PEX26: variants seen among roughly 807,000 people sequenced by gnomAD.
PEX26 encodes the protein peroxisome assembly protein 26.
A neutral mutation model predicts 31.4 loss-of-function variants in PEX26; 18 were observed. The ratio of observed to expected loss-of-function variants is 0.57; its 90% CI spans 0.40 to 0.85. PEX26 has a LOEUF of 0.85. Among genes scored for constraint, PEX26 ranks in the 40% least tolerant of loss-of-function variants. The pLI, the probability that PEX26 is intolerant of heterozygous loss-of-function variation, is 0.00. For synonymous variants in PEX26, 176 were observed against 166.9 expected, an observed-to-expected ratio of 1.05 and a Z score of -0.42; for missense variants, 377 against 383.9, an observed-to-expected ratio of 0.98 and a Z score of 0.15.
chr22:18,078,172 G>C lies in PEX26; in HGVS notation c.-205G>C. 1.4e-6 allele frequency: 1 copy of C among 698,028 alleles called. No homozygotes were observed. Among genetic ancestry groups the C allele is most frequent in the Non-Finnish European group, 2.6e-6 (1 of 382,364 alleles). The allele number at this position is 698,028 out of a possible 1,614,324, so 43.2% of individuals were successfully genotyped here. ...ATCCTGCAAATCTGACGTGTAAACTGCTTCCCCAGCCTCCAGGCGAGCCCA... is the reference window on the plus strand; with the variant it reads ...ATCCTGCAAATCTGACGTGTAAACTCCTTCCCCAGCCTCCAGGCGAGCCCA... On this transcript the variant is annotated 5_prime_UTR_variant, in exon 1 of 5. Coordinates refer to ENST00000399744, the MANE Select transcript of PEX26 (RefSeq NM_001127649.3).
At chr22:18,087,946 C>T (rs376790376) in intron 4 of PEX26, 26 bp from the exon 5 acceptor site, 5 of 1,453,172 alleles carry the variant, frequency 3.4e-6, no homozygotes, top group Non-Finnish European at 4.8e-6. Flanking sequence ...GTGGGACGTT[C>T]ACTGTAGTCT....
intron 4 of PEX26, among the ~76,000 whole-genome samples, chr22:18,085,608 C>T (rs576842717): frequency 8.5e-5 from 13 of 152,286 alleles, no homozygotes; most frequent in African/African-American, 2.9e-4. Flanking sequence ...CGGTGGCTCA[C>T]GCCTGTAATC....
intron 4 of PEX26, among the ~76,000 whole-genome samples, chr22:18,087,551 G>T (rs866924954): frequency 1.2e-3 from 182 of 152,344 alleles, no homozygotes; most frequent in African/African-American, 4.0e-3. Context: ...TACAGATTTA[G>T]AAACTCTTTA....
Position 18,088,223 on chromosome 22 carries a change from C to A in PEX26, c.*148C>A. 1 of 735,182 alleles carries A rather than the reference C, an allele frequency of 1.4e-6. No homozygotes were observed. 45.5% of individuals were successfully genotyped at this position (735,182 alleles called of 1,614,324 possible). On this transcript the variant is annotated 3_prime_UTR_variant, in exon 5 of 5. Coordinates refer to ENST00000399744, the MANE Select transcript of PEX26 (RefSeq NM_001127649.3). The surrounding 1 kb of genome is among the most constrained non-coding windows in gnomAD (Gnocchi z 4.1). ...CTGTGTCTTGCTGCCTGGGTGCCCT[C>A]TCCTTTGCACCCTACTTCGGCTGGT...
chr22:18,078,368 G>C lies in PEX26; in HGVS notation c.-9G>C. ...GTCTGAGGACCTGGGCCTTGGACCC[G>C]GACTCGTTATGAAGAGCGATTCTTC... On this transcript the variant is annotated 5_prime_UTR_variant, in exon 1 of 5. Transcript: ENST00000399744. 1.9e-6 allele frequency: 3 copies of C among 1,590,694 alleles called. No homozygotes were observed. Among genetic ancestry groups the C allele is most frequent in the Non-Finnish European group, 2.6e-6 (3 of 1,166,342 alleles).
rs1602477466 is a variant in PEX26 at position 18,097,667 on chromosome 22, A to C, written c.*9592A>C. On this transcript the variant is annotated 3_prime_UTR_variant, in exon 5 of 5. Coordinates refer to ENST00000399744, the MANE Select transcript of PEX26 (RefSeq NM_001127649.3). ...GTTTCTTCTCCTTTTTATAAAAAAA[A>C]CCTGTAGTATATTATGTACTCTGTT... 1 of 152,190 alleles carries C rather than the reference A, an allele frequency of 6.6e-6. No individual in the cohort carries two copies. The highest frequency in any genetic ancestry group is 1.9e-4 in the East Asian group (1 of 5,178). The allele number at this position is 152,190 out of a possible 1,614,324, so 9.4% of individuals were successfully genotyped here. A position where few individuals can be genotyped will look rare whatever the true frequency, so the allele number is the denominator to read the frequency against.
In PEX26 at chr22:18,082,078, T is replaced by C. The variant is rs1015158707; in HGVS notation, c.372-1359T>C. ...TTGAATCAGGTTTTTTTTTTTTTTT[T>C]CTGCTGTTAAGTTCCTGATATATTC... On this transcript the variant is annotated intron_variant, in intron 2 of 4. Transcript: ENST00000399744. 5.4e-5 allele frequency among the ~76,000 whole-genome samples: 8 copies of C among 147,930 alleles called. No homozygotes were observed. In the East Asian group the frequency reaches 1.2e-3, roughly 22 times the overall value.
chr22:18,078,641 G>A (rs1462870122), intron 1 of PEX26, 35 bp downstream of exon 1: 2 of 1,568,818 alleles, frequency 1.3e-6, no homozygotes, highest in Non-Finnish European at 8.7e-7. Flanking sequence ...CCGATTTCCG[G>A]GCGCTCTTGT....
Position 18,094,694 on chromosome 22 carries a change from T to G in PEX26, c.*6619T>G, listed in dbSNP as rs1927237051. On this transcript the variant is annotated 3_prime_UTR_variant, in exon 5 of 5. Transcript: ENST00000399744. ...GCCATCCCTTCTTTGGCTTCTTGCC[T>G]TGTCTCTGACCCCACTGACTGCCCC... 6.6e-6 allele frequency: 1 copy of G among 152,206 alleles called. No individual in the cohort carries two copies. Among genetic ancestry groups the G allele is most frequent in the South Asian group, 2.1e-4 (1 of 4,832 alleles). The allele number at this position is 152,206 out of a possible 1,614,324, so 9.4% of individuals were successfully genotyped here.
In PEX26 at chr22:18,103,877, T is replaced by G. The variant is rs974705917; in HGVS notation, c.*15802T>G. On this transcript the variant is annotated 3_prime_UTR_variant, in exon 5 of 5. Coordinates refer to ENST00000399744, the MANE Select transcript of PEX26 (RefSeq NM_001127649.3). ...TGCTGTGAAATCACCAAGGGCTGAGTAGAACAGTTAAGACGATAGTAGTTG... is the reference window on the plus strand; with the variant it reads ...TGCTGTGAAATCACCAAGGGCTGAGGAGAACAGTTAAGACGATAGTAGTTG... The G allele has an allele frequency of 2.0e-5, 3 of 152,174 alleles. No individual in the cohort carries two copies. The highest frequency in any genetic ancestry group is 7.2e-5 in the African/African-American group (3 of 41,420). 9.4% of individuals were successfully genotyped at this position (152,174 alleles called of 1,614,324 possible). A position where few individuals can be genotyped will look rare whatever the true frequency, so the allele number is the denominator to read the frequency against.
rs1249976603 is a variant in PEX26, at chr22:18,099,095, A to T, written c.*11020A>T. 1.3e-5 allele frequency: 2 copies of T among 152,168 alleles called. No individual in the cohort carries two copies. The highest frequency in any genetic ancestry group is 4.8e-5 in the African/African-American group (2 of 41,444). 9.4% of individuals were successfully genotyped at this position (152,168 alleles called of 1,614,324 possible). The stretch of plus-strand genomic sequence containing the variant: ...GGAAGGTAGGGGCTGGTGAGTGGAA[A>T]AGTAGTAGAGTTTGTGAGGGAATGT... On this transcript the variant is annotated 3_prime_UTR_variant, in exon 5 of 5. Transcript: ENST00000399744.
chr22:18,085,284 C>G (rs761876240), intron 4 of PEX26, 26 bp downstream of exon 4: 2 of 1,613,248 alleles, frequency 1.2e-6, no homozygotes, highest in Non-Finnish European at 1.7e-6. Context: ...TCTCCCCTGT[C>G]CTTCCTGGGA....
chr22:18,084,665 G>A (rs1338263190), intron 3 of PEX26, among the ~76,000 whole-genome samples: 1 of 151,882 alleles, frequency 6.6e-6, no homozygotes, highest in Non-Finnish European at 1.5e-5. Context: ...ATTTGCAAGA[G>A]TATGTGCAGT....
At position 18,091,273 on chromosome 22, in the gene PEX26, CT is replaced by C. The variant is rs1348223226; in HGVS notation, c.*3201del. ...ATACAGTCTCTGATAGTAAACTTTT[CT>C]TTCTCTTACACAAATGATAGTAGTC... On this transcript the variant is annotated 3_prime_UTR_variant, in exon 5 of 5. Transcript: ENST00000399744. 1 of 152,228 alleles carries C rather than the reference CT, an allele frequency of 6.6e-6. No individual in the cohort carries two copies. Among genetic ancestry groups the C allele is most frequent in the African/African-American group, 2.4e-5 (1 of 41,452 alleles). 9.4% of individuals were successfully genotyped at this position (152,228 alleles called of 1,614,324 possible). A position where few individuals can be genotyped will look rare whatever the true frequency, so the allele number is the denominator to read the frequency against.
intron 4 of PEX26, among the ~76,000 whole-genome samples, chr22:18,086,286 C>T (rs1380409040): frequency 2.0e-5 from 3 of 151,142 alleles, no homozygotes; most frequent in South Asian, 2.1e-4. Flanking sequence ...GCTACAAGAG[C>T]GAAACTCTGT....
intron 3 of PEX26, among the ~76,000 whole-genome samples, chr22:18,084,228 T>C (rs147158600): frequency 9.0e-6 from 1 of 111,436 alleles, no homozygotes; most frequent in African/African-American, 3.8e-5. Context: ...AAAGTCACCA[T>C]CTCTCTCTCT....
At chr22:18,080,140 T>C (rs958867166) in intron 2 of PEX26, 126 bp downstream of exon 2, 3 of 1,016,582 alleles carry the variant, frequency 3.0e-6, no homozygotes, top group Admixed American at 4.0e-5. Flanking sequence ...TTCCCTTCAC[T>C]TTTTTTTCCC....
intron 1 of PEX26, chr22:18,079,261 G>A: frequency 1.0e-6 from 1 of 984,828 alleles, no homozygotes; most frequent in Non-Finnish European, 1.2e-6. Flanking sequence ...TGGCAGGTGA[G>A]GGAGTCATTT....
rs1927419065 is a variant in PEX26 at position 18,100,407 on chromosome 22, TAATAAA to T, written c.*12335_*12340del. 6.6e-6 allele frequency: 1 copy of T among 151,576 alleles called. No individual in the cohort carries two copies. Among genetic ancestry groups the T allele is most frequent in the African/African-American group, 2.4e-5 (1 of 41,358 alleles). The allele number at this position is 151,576 out of a possible 1,614,324, so 9.4% of individuals were successfully genotyped here. A position where few individuals can be genotyped will look rare whatever the true frequency, so the allele number is the denominator to read the frequency against. The stretch of plus-strand genomic sequence containing the variant: ...TCTAACTAAAAAATAATAATAATAA[TAATAAA>T]AAATAAAAGATGATACTTGCAAAAT... On this transcript the variant is annotated 3_prime_UTR_variant, in exon 5 of 5. Transcript: ENST00000399744.
Sources: allele counts gnomAD v4.1 joint callset (sites outside exome capture counted in the v4.1 genomes callset), GRCh38; gene constraint gnomAD v4.1.1; non-coding constraint Gnocchi (gnomAD v3.1); transcripts MANE v1.5; gene names NCBI Gene and HGNC (gene_info 2026-07-23, HGNC 2026-07-21).